The following RSPO3 variants were observed in gnomAD, a reference collection of about 807,000 sequenced individuals.
RSPO3 encodes R-spondin 3.
In RSPO3, 17 loss-of-function variants were observed where a neutral mutation model predicts 36.5. That is an observed-to-expected ratio of 0.47 (90% CI 0.32 to 0.70). RSPO3 has a LOEUF of 0.70. Among genes scored for constraint, RSPO3 ranks in the 30% least tolerant of loss-of-function variants. The pLI, the probability that RSPO3 is intolerant of heterozygous loss-of-function variation, is 0.04. For missense variants in RSPO3, 294 were observed against 322.5 expected (o/e 0.91, Z 0.68); for synonymous variants, 108 against 107.0 (o/e 1.01, Z -0.06).
At chr6:127,155,830 G>A (rs1774584946) in intron 4 of RSPO3, among the ~76,000 whole-genome samples, 1 of 151,656 alleles carries the variant, frequency 6.6e-6, no homozygotes, top group Admixed American at 6.6e-5. Flanking sequence ...CTCACTGCCT[G>A]CAAACCAAAG....
intron 1 of RSPO3, 33 bp from the exon 2 acceptor site, chr6:127,148,615 C>T: frequency 6.4e-7 from 1 of 1,552,182 alleles, no homozygotes; most frequent in Non-Finnish European, 8.8e-7. Context: ...GTGATTTAAC[C>T]TTTGTAATGT....
Position 127,199,149 on chromosome 6 carries a change from G to T in RSPO3, c.*3142G>T, listed in dbSNP as rs1292655986. On this transcript the variant is annotated 3_prime_UTR_variant, in exon 5 of 5. Transcript: ENST00000356698. ...AATGTCTCAATTCTGCTACTAACTG[G>T]TTGCAGCTTGTGTGACCTTGGGCAC... 6.6e-6 allele frequency among the ~76,000 whole-genome samples: 1 copy of T among 152,190 alleles called. No homozygotes were observed. The highest frequency in any genetic ancestry group is 1.5e-5 in the Non-Finnish European group (1 of 68,032).
At chr6:127,172,601 C>T (rs368093668) in intron 4 of RSPO3, among the ~76,000 whole-genome samples, 1 of 151,702 alleles carries the variant, frequency 6.6e-6, no homozygotes, top group Non-Finnish European at 1.5e-5. Flanking sequence ...AACATGTATT[C>T]GCTTGGGCTA....
intron 3 of RSPO3, among the ~76,000 whole-genome samples, chr6:127,151,922 T>C (rs1774498874): frequency 6.6e-6 from 1 of 152,102 alleles, no homozygotes; most frequent in Non-Finnish European, 1.5e-5. Context: ...GTCTGTGGAA[T>C]ATTCAAGAGC....
chr6:127,180,635 T>C (rs768761750), intron 4 of RSPO3, among the ~76,000 whole-genome samples: 11 of 151,714 alleles, frequency 7.3e-5, no homozygotes, highest in Non-Finnish European at 1.5e-4. Flanking sequence ...GCAGATGGCC[T>C]TGAGTGGGTT....
At position 127,136,798 on chromosome 6, in the gene RSPO3, CTATTAG is replaced by C. The variant is rs547256878; in HGVS notation, c.98-11846_98-11841del. On this transcript the variant is annotated intron_variant, in intron 1 of 4. Coordinates refer to ENST00000356698, the MANE Select transcript of RSPO3 (RefSeq NM_032784.5). ...TCATATATCTACCCTGAAGTTCCTA[CTATTAG>C]TATAATTCCTTTGGATTTGACAAGA... Among the ~76,000 whole-genome samples the C allele has an allele frequency of 1.7e-4, 26 of 152,238 alleles. No individual in the cohort carries two copies. In the South Asian group the frequency reaches 4.6e-3, roughly 27 times the overall value.
chr6:127,155,572 C>T (rs2489629), intron 4 of RSPO3, 134 bp downstream of exon 4: 450,526 of 822,958 alleles, frequency 0.55, 125,222 homozygotes, highest in African/African-American at 0.67. Flanking sequence ...CAAGAATATG[C>T]TGCTTGTAAA....
intron 4 of RSPO3, among the ~76,000 whole-genome samples, chr6:127,173,279 C>G (rs542080186): frequency 6.2e-4 from 94 of 151,862 alleles, no homozygotes; most frequent in African/African-American, 2.2e-3. Context: ...TGTTTTAAAG[C>G]CAAATAGTTT....
At position 127,126,246 on chromosome 6, in the gene RSPO3, C is replaced by A. The variant is rs117664425; in HGVS notation, c.97+6957C>A. ...AACACCTGGGATTAGAGTATTAGGG[C>A]TGAACACAAGTACTTCAGAGTCACT... On this transcript the variant is annotated intron_variant, in intron 1 of 4. Transcript: ENST00000356698. Among the ~76,000 whole-genome samples, 36 of 152,100 alleles carry A rather than the reference C, an allele frequency of 2.4e-4. No individual in the cohort carries two copies. In the East Asian group the frequency reaches 6.8e-3, roughly 29 times the overall value.
At chr6:127,143,263 A>G (rs1041177295) in intron 1 of RSPO3, among the ~76,000 whole-genome samples, 2 of 152,270 alleles carry the variant, frequency 1.3e-5, no homozygotes, top group East Asian at 1.9e-4. Flanking sequence ...AGAAGAAGAA[A>G]TTATCAAACC....
intron 4 of RSPO3, among the ~76,000 whole-genome samples, chr6:127,189,011 T>A (rs1434318866): frequency 6.6e-6 from 1 of 152,126 alleles, no homozygotes. Context: ...AGGGGTTGAA[T>A]AGAGCTTCTA....
chr6:127,197,843 T>G lies in RSPO3; in HGVS notation c.*1836T>G, dbSNP rs1464288089. The G allele has an allele frequency of 1.9e-5, 4 of 210,420 alleles. No individual in the cohort carries two copies. Among genetic ancestry groups the G allele is most frequent in the African/African-American group, 6.9e-5 (3 of 43,794 alleles). 13.0% of individuals were successfully genotyped at this position (210,420 alleles called of 1,614,324 possible). A position where few individuals can be genotyped will look rare whatever the true frequency, so the allele number is the denominator to read the frequency against. On this transcript the variant is annotated 3_prime_UTR_variant, in exon 5 of 5. Coordinates refer to ENST00000356698, the MANE Select transcript of RSPO3 (RefSeq NM_032784.5). ...CTCAACTCACTAAATCTATTCCCAA[T>G]GTATAAAATAATTCTAATTCCATTT... is the stretch of plus-strand genomic sequence containing the variant.
intron 3 of RSPO3, among the ~76,000 whole-genome samples, 177 bp downstream of exon 3, chr6:127,150,749 T>C (rs1774476484): frequency 6.7e-6 from 1 of 150,248 alleles, no homozygotes; most frequent in Non-Finnish European, 1.5e-5. Flanking sequence ...CCTTATCTAG[T>C]ATGTATTATG....
chr6:127,184,228 T>C (rs1775245403), intron 4 of RSPO3, among the ~76,000 whole-genome samples: 1 of 152,062 alleles, frequency 6.6e-6, no homozygotes, highest in Admixed American at 6.6e-5. Flanking sequence ...CATTTCCTTT[T>C]CAATACTTTG....
intron 1 of RSPO3, among the ~76,000 whole-genome samples, chr6:127,147,343 T>G (rs979937662): frequency 3.9e-5 from 6 of 152,142 alleles, no homozygotes; most frequent in Admixed American, 1.3e-4. Context: ...AAAGACAGAT[T>G]TAATAATGTT....
intron 1 of RSPO3, among the ~76,000 whole-genome samples, chr6:127,123,754 G>C (rs1163957258): frequency 6.6e-6 from 1 of 152,036 alleles, no homozygotes; most frequent in Non-Finnish European, 1.5e-5. Context: ...GAAATATGAA[G>C]AGTATTTGAA....
At chr6:127,134,265 T>C (rs550128283) in intron 1 of RSPO3, among the ~76,000 whole-genome samples, 1 of 152,384 alleles carries the variant, frequency 6.6e-6, no homozygotes, top group African/African-American at 2.4e-5. Context: ...AAGTATGCTA[T>C]TGTCCACTTT....
chr6:127,131,828 G>A (rs1231310060), intron 1 of RSPO3, among the ~76,000 whole-genome samples: 2 of 152,060 alleles, frequency 1.3e-5, no homozygotes, highest in African/African-American at 4.8e-5. Context: ...TAAGTTTGGT[G>A]TGTCTCTTCA....
At chr6:127,162,290 A>G (rs1774723942) in intron 4 of RSPO3, among the ~76,000 whole-genome samples, 1 of 152,158 alleles carries the variant, frequency 6.6e-6, no homozygotes, top group Non-Finnish European at 1.5e-5. Context: ...GCATGCATAT[A>G]CAGGGTGGGA....
Sources: gnomAD v4.1 joint callset for allele counts (sites outside exome capture counted in the v4.1 genomes callset) on GRCh38, gnomAD v4.1.1 for gene constraint, MANE v1.5 for transcripts, NCBI Gene and HGNC (gene_info 2026-07-23, HGNC 2026-07-21) for gene names.